CDK17: variants seen among roughly 807,000 people sequenced by gnomAD.
The protein encoded by CDK17 is cyclin dependent kinase 17.
CDK17 carries 24 observed loss-of-function variants against 77.6 expected under a neutral mutation model. The observed-to-expected ratio is 0.31, with a 90% CI of 0.22 to 0.44. The LOEUF is 0.44. Among genes scored for constraint, CDK17 ranks in the 20% least tolerant of loss-of-function variants. The pLI, the probability that CDK17 is intolerant of heterozygous loss-of-function variation, is 1.00. For synonymous variants in CDK17, 203 were observed against 210.4 expected, an observed-to-expected ratio of 0.96 and a Z score of 0.30; for missense variants, 429 against 622.5, an observed-to-expected ratio of 0.69 and a Z score of 3.31.
At chr12:96,394,133 C>T (rs995140127) in intron 1 of CDK17, among the ~76,000 whole-genome samples, 1 of 151,956 alleles carries the variant, frequency 6.6e-6, no homozygotes, top group African/African-American at 2.4e-5. Context: ...GTAATCCCAG[C>T]TACTCGGGAG....
chr12:96,350,844 A>G (rs1010349736), intron 1 of CDK17, among the ~76,000 whole-genome samples: 1 of 152,152 alleles, frequency 6.6e-6, no homozygotes, highest in Non-Finnish European at 1.5e-5. Context: ...CAACAACAAA[A>G]AAGACCCCCA....
At chr12:96,360,245 A>G (rs1195010497) in intron 1 of CDK17, among the ~76,000 whole-genome samples, 2 of 152,244 alleles carry the variant, frequency 1.3e-5, no homozygotes, top group African/African-American at 4.8e-5. Flanking sequence ...TGAAGGAAAC[A>G]GGGTTCACTC....
intron 5 of CDK17, 24 bp downstream of exon 5, chr12:96,311,028 A>G: frequency 6.3e-7 from 1 of 1,581,888 alleles, no homozygotes; most frequent in African/African-American, 1.4e-5. Context: ...TTGATGGTGG[A>G]GGTATAGGAG....
chr12:96,306,716 T>G (rs888311704), intron 5 of CDK17, among the ~76,000 whole-genome samples: 2 of 152,268 alleles, frequency 1.3e-5, no homozygotes, highest in South Asian at 2.1e-4. Context: ...ATAAAGAATA[T>G]ATTATCCACA....
intron 8 of CDK17, 46 bp from the exon 9 acceptor site, chr12:96,297,378 T>C (rs770048798): frequency 2.4e-6 from 3 of 1,256,316 alleles, no homozygotes; most frequent in South Asian, 2.5e-5. Context: ...ATTTTCAGAA[T>C]GTTGTGACTG....
intron 2 of CDK17, among the ~76,000 whole-genome samples, chr12:96,328,853 C>T (rs1952928011): frequency 6.6e-6 from 1 of 151,776 alleles, no homozygotes; most frequent in African/African-American, 2.4e-5. Context: ...AGGAGGTCAC[C>T]CAAGGAGAGG....
intron 5 of CDK17, among the ~76,000 whole-genome samples, chr12:96,308,412 A>C (rs1358741937): frequency 6.6e-6 from 1 of 151,738 alleles, no homozygotes; most frequent in Non-Finnish European, 1.5e-5. Flanking sequence ...CCTTGTCTCT[A>C]AAGAAAATAG....
intron 1 of CDK17, among the ~76,000 whole-genome samples, chr12:96,381,238 G>A (rs1042508251): frequency 2.6e-5 from 4 of 152,062 alleles, no homozygotes; most frequent in African/African-American, 4.8e-5. Context: ...TTTCAAGGGC[G>A]ATACCTTGTT....
chr12:96,285,275 CATAA>C (rs1293809127), intron 13 of CDK17, among the ~76,000 whole-genome samples: 1 of 152,158 alleles, frequency 6.6e-6, no homozygotes, highest in African/African-American at 2.4e-5. Context: ...TACCAACTCA[CATAA>C]ATACTTTAAA....
chr12:96,317,865 C>T (rs985692702), intron 3 of CDK17, among the ~76,000 whole-genome samples: 2 of 149,532 alleles, frequency 1.3e-5, no homozygotes, highest in African/African-American at 2.4e-5. Context: ...TAAAGACCAT[C>T]GAGACTAGGA....
intron 1 of CDK17, among the ~76,000 whole-genome samples, chr12:96,351,897 G>A (rs937845633): frequency 2.0e-5 from 3 of 152,150 alleles, no homozygotes; most frequent in Admixed American, 6.5e-5. Context: ...ACAAAAGACT[G>A]TTGTTGCTCC....
chr12:96,326,001 G>A (rs1455755755), intron 2 of CDK17, among the ~76,000 whole-genome samples: 1 of 152,128 alleles, frequency 6.6e-6, no homozygotes, highest in Non-Finnish European at 1.5e-5. Flanking sequence ...TCCAGCCTGG[G>A]TGGCAAAGTA....
intron 2 of CDK17, among the ~76,000 whole-genome samples, chr12:96,330,812 A>G (rs1388170712): frequency 1.3e-5 from 2 of 152,226 alleles, no homozygotes; most frequent in African/African-American, 2.4e-5. Context: ...ACAAATATAA[A>G]TATTTGTGTA....
At chr12:96,292,977 T>C (rs1259312791) in intron 10 of CDK17, among the ~76,000 whole-genome samples, 1 of 152,208 alleles carries the variant, frequency 6.6e-6, no homozygotes, top group African/African-American at 2.4e-5. Flanking sequence ...ACCCATTTTA[T>C]ACTCTTGAAA....
At chr12:96,359,160 C>A (rs971393015) in intron 1 of CDK17, among the ~76,000 whole-genome samples, 1 of 152,100 alleles carries the variant, frequency 6.6e-6, no homozygotes, top group African/African-American at 2.4e-5. Context: ...ACAAATAAAG[C>A]ACCTTACTAA....
intron 11 of CDK17, among the ~76,000 whole-genome samples, chr12:96,288,537 T>C (rs1307321800): frequency 6.6e-6 from 1 of 152,104 alleles, no homozygotes; most frequent in Non-Finnish European, 1.5e-5. Flanking sequence ...AAAGGGAACA[T>C]TTGTGTTGAG....
At chr12:96,353,907 T>G (rs1277802114) in intron 1 of CDK17, among the ~76,000 whole-genome samples, 1 of 151,946 alleles carries the variant, frequency 6.6e-6, no homozygotes, top group African/African-American at 2.4e-5. Flanking sequence ...AATCTAGAAC[T>G]CAGAAAAAAA....
At chr12:96,378,686 G>C (rs1454756114) in intron 1 of CDK17, among the ~76,000 whole-genome samples, 1 of 152,142 alleles carries the variant, frequency 6.6e-6, no homozygotes, top group Non-Finnish European at 1.5e-5. Flanking sequence ...TATTCATTTG[G>C]CATTGTAACA....
chr12:96,400,316 G>A lies in CDK17; in HGVS notation c.-360C>T, dbSNP rs1565853401. ...CGGGCGCCGACGGCGGGCTGAGACT[G>A]TCTGGCCGGGCGCTGGCTCCTTCTC... On this transcript the variant is annotated 5_prime_UTR_variant, in exon 1 of 17. Coordinates refer to ENST00000261211, the MANE Select transcript of CDK17 (RefSeq NM_002595.5). 7.7e-6 allele frequency: 3 copies of A among 388,860 alleles called. No homozygotes were observed. Among genetic ancestry groups the A allele is most frequent in the African/African-American group, 4.1e-5 (2 of 48,260 alleles). 24.1% of individuals were successfully genotyped at this position (388,860 alleles called of 1,614,324 possible).
Sources: gnomAD v4.1 joint callset for allele counts (sites outside exome capture counted in the v4.1 genomes callset) on GRCh38, gnomAD v4.1.1 for gene constraint, MANE v1.5 for transcripts, NCBI Gene and HGNC (gene_info 2026-07-23, HGNC 2026-07-21) for gene names.